Variants in ARMC5 observed in about 807,000 individuals in gnomAD.
ARMC5 encodes the protein armadillo repeat-containing protein 5.
A neutral mutation model predicts 60.5 loss-of-function variants in ARMC5; 28 were observed. That is an observed-to-expected ratio of 0.46 (90% CI 0.34 to 0.63). The LOEUF is 0.63. ARMC5 is among the 30% of genes least tolerant of loss of function. The probability of loss-of-function intolerance (pLI) is 0.01; values close to 1 mark genes in which losing one functional copy is unlikely to be tolerated. For synonymous variants in ARMC5, 680 were observed against 607.3 expected, an observed-to-expected ratio of 1.12 and a Z score of -1.76; for missense variants, 1,189 against 1,304.9, an observed-to-expected ratio of 0.91 and a Z score of 1.37.
chr16:31,458,670 C>T (rs900379627), upstream of ARMC5: 7 of 1,446,566 alleles, frequency 4.8e-6, no homozygotes, highest in Non-Finnish European at 6.4e-6. Context: ...TCCGGGCGGG[C>T]AGCTGCCCCG....
At position 31,462,754 on chromosome 16, in the gene ARMC5, G is replaced by T; in HGVS notation, c.1207G>T (p.Ala403Ser). 1.2e-6 allele frequency: 2 copies of T among 1,613,884 alleles called. No individual in the cohort carries two copies. Among genetic ancestry groups the T allele is most frequent in the South Asian group, 1.1e-5 (1 of 91,080 alleles). Reference protein sequence around the residue: ...ALVGFLYDTGALGRLQALGLV... With the variant: ...ALVGFLYDTGSLGRLQALGLV... Reference sequence around the variant, plus strand: ...TGTGGGGTTTCTGTATGACACTGGGGCCCTGGGCCGGCTGCAGGCTCTGGG... The same window carrying T: ...TGTGGGGTTTCTGTATGACACTGGGTCCCTGGGCCGGCTGCAGGCTCTGGG... The change falls in exon 3 of 6, where the codon GCC becomes TCC. Residue 403 changes from alanine (A) to serine (S), a missense_variant. Ala to Ser is a moderately conservative substitution (Grantham distance 99). Around this residue, in one of 2 missense-constraint regions of ARMC5, gnomAD observed 862 missense variants for 1,071.2 expected, o/e 0.80. Coordinates refer to ENST00000268314, the MANE Select transcript of ARMC5 (RefSeq NM_001105247.2). This position sits in a 1 kb window ranked among gnomAD's most constrained non-coding sequence, Gnocchi z 7.2.
chr16:31,459,216 C>T, upstream of ARMC5: 1 of 1,531,950 alleles, frequency 6.5e-7, no homozygotes. Flanking sequence ...TGTTCGGAGG[C>T]CCTGGCCCAC....
At chr16:31,459,194 G>C, upstream of ARMC5, 6 of 1,521,976 alleles carry the variant, frequency 3.9e-6, no homozygotes, top group Non-Finnish European at 5.3e-6. Context: ...CTCCGTGGTC[G>C]GACTTCTGGG....
At position 31,464,603 on chromosome 16, in the gene ARMC5, T is replaced by C. The variant is rs778898242; in HGVS notation, c.1580T>C (p.Leu527Pro). ...TGGGGACGCGAAGGGCCAGCCCTGCTGCTGCTGTCGCGCTTTTCCCAGGCC... is the reference window on the plus strand; with the variant it reads ...TGGGGACGCGAAGGGCCAGCCCTGCCGCTGCTGTCGCGCTTTTCCCAGGCC... ...EPWGREGPAL[L>P]LLSRFSQAPD... is the part of the protein sequence containing the mutation. Residue 527 changes from leucine to proline, a missense_variant, in exon 4 of 6, where the codon CTG becomes CCG. By Grantham distance (98) the Leu-to-Pro change is moderately conservative. This residue lies in a region of ARMC5 where 862 missense variants were observed against 1,071.2 expected (regional missense o/e 0.80). Transcript: ENST00000268314. The surrounding 1 kb of genome is among the most constrained non-coding windows in gnomAD (Gnocchi z 7.6). The C allele has an allele frequency of 1.3e-6, 2 of 1,591,200 alleles. No individual in the cohort carries two copies. Among genetic ancestry groups the C allele is most frequent in the Non-Finnish European group, 1.7e-6 (2 of 1,174,456 alleles).
At chr16:31,465,816 C>A in intron 4 of ARMC5, 34 bp from the exon 5 acceptor site, 1 of 1,605,462 alleles carries the variant, frequency 6.2e-7, no homozygotes, top group South Asian at 1.1e-5. Context: ...GTCTTAGACC[C>A]CAGTTCCCAG....
chr16:31,466,332 C>T lies in ARMC5; in HGVS notation c.2251C>T (p.His751Tyr). The T allele has an allele frequency of 1.9e-6, 3 of 1,613,754 alleles. No homozygotes were observed. The highest frequency in any genetic ancestry group is 1.3e-5 in the African/African-American group (1 of 75,054). ...GPAPVPAPDL[H>Y]FLLDSGLQLP... ...AGCCCCTGTCCCAGCTCCCGACCTGCACTTCCTGCTGGACTCAGGCCTCCA... is the reference window on the plus strand; with the variant it reads ...AGCCCCTGTCCCAGCTCCCGACCTGTACTTCCTGCTGGACTCAGGCCTCCA... Residue 751 changes from histidine to tyrosine, a missense_variant, in exon 6 of 6, where the codon CAC becomes TAC. Around this residue, in one of 2 missense-constraint regions of ARMC5, gnomAD observed 862 missense variants for 1,071.2 expected, o/e 0.80. Transcript: ENST00000268314. The surrounding 1 kb of genome is among the most constrained non-coding windows in gnomAD (Gnocchi z 8.0).
chr16:31,459,260 C>T (rs769379147), upstream of ARMC5: 7 of 1,533,754 alleles, frequency 4.6e-6, no homozygotes, highest in South Asian at 8.4e-5. Context: ...CAGCGCTTCC[C>T]GAGGTAGGCG....
intron 4 of ARMC5, 126 bp from the exon 5 acceptor site, chr16:31,465,724 C>CT: frequency 6.6e-7 from 1 of 1,525,266 alleles, no homozygotes; most frequent in Middle Eastern, 1.8e-4. Context: ...AGCACTGTCT[C>CT]TTCAGTGCCC....
chr16:31,464,966 C>G lies in ARMC5; in HGVS notation c.1864+79C>G. The G allele has an allele frequency of 6.2e-7, 1 of 1,611,450 alleles. No homozygotes were observed. Among genetic ancestry groups the G allele is most frequent in the Non-Finnish European group, 8.5e-7 (1 of 1,178,396 alleles). On this transcript the variant is annotated intron_variant, in intron 4 of 5. Transcript: ENST00000268314. This position sits in a 1 kb window ranked among gnomAD's most constrained non-coding sequence, Gnocchi z 7.6. Reference sequence around the variant, plus strand: ...CCCATGGCTTCCATGGGCCCAGAACCTCACCTTCCCACTCACCTGTCCTCC... The same window carrying G: ...CCCATGGCTTCCATGGGCCCAGAACGTCACCTTCCCACTCACCTGTCCTCC...
intron 1 of ARMC5, among the ~76,000 whole-genome samples, chr16:31,461,698 G>C (rs1253875378): frequency 1.3e-5 from 2 of 152,128 alleles, no homozygotes; most frequent in Non-Finnish European, 2.9e-5. Context: ...AGTAGAGATG[G>C]GGTTTGGCCC....
At position 31,466,711 on chromosome 16, in the gene ARMC5, G is replaced by A; in HGVS notation, c.2630G>A (p.Arg877Gln). ...ESVGEVFRLGRPRLAAHCARW... is the reference protein window; with the variant it reads ...ESVGEVFRLGQPRLAAHCARW... The stretch of plus-strand genomic sequence containing the variant: ...GTGGGTGAGGTGTTCCGCCTGGGCC[G>A]GCCCCGGCTGGCTGCCCACTGTGCC... Residue 877 changes from arginine to glutamine, a missense_variant, in exon 6 of 6, where the codon CGG (arginine) becomes CAG (glutamine). Physicochemically the swap from Arg to Gln is conservative, Grantham distance 43. This residue lies in a region of ARMC5 where 862 missense variants were observed against 1,071.2 expected (regional missense o/e 0.80). Coordinates refer to ENST00000268314, the MANE Select transcript of ARMC5 (RefSeq NM_001105247.2). The surrounding 1 kb of genome is among the most constrained non-coding windows in gnomAD (Gnocchi z 8.0). 6.4e-7 allele frequency: 1 copy of A among 1,557,212 alleles called. No individual in the cohort carries two copies. The highest frequency in any genetic ancestry group is 8.7e-7 in the Non-Finnish European group (1 of 1,151,710).
chr16:31,460,975 A>G (rs1328622845), intron 1 of ARMC5, among the ~76,000 whole-genome samples: 4 of 152,250 alleles, frequency 2.6e-5, no homozygotes, highest in African/African-American at 9.6e-5. Context: ...GGAAGCATTA[A>G]TATATTTAAA....
At chr16:31,459,058 G>C, upstream of ARMC5, 1 of 1,506,500 alleles carries the variant, frequency 6.6e-7, no homozygotes, top group Non-Finnish European at 8.8e-7. Flanking sequence ...TTTCGGCCCG[G>C]CTCGGGGTTC....
At chr16:31,458,441 C>G (rs2082265760), upstream of ARMC5, 1 of 1,535,616 alleles carries the variant, frequency 6.5e-7, no homozygotes, top group African/African-American at 1.4e-5. Context: ...CCGGTGTGTA[C>G]CCAGTGGTGC....
chr16:31,461,849 C>A, intron 1 of ARMC5, 73 bp from the exon 2 acceptor site: 1 of 1,418,542 alleles, frequency 7.0e-7, no homozygotes, highest in Non-Finnish European at 9.9e-7. Context: ...CCCTCTCAGG[C>A]CACATTCTCC....
intron 3 of ARMC5, among the ~76,000 whole-genome samples, chr16:31,463,692 G>A (rs2082324521): frequency 6.6e-6 from 1 of 152,058 alleles, no homozygotes; most frequent in African/African-American, 2.4e-5. Flanking sequence ...ACAGATGTGA[G>A]CCACCATGCC....
chr16:31,459,005 C>T (rs754771183), upstream of ARMC5: 1 of 1,533,348 alleles, frequency 6.5e-7, no homozygotes, highest in African/African-American at 1.4e-5. Context: ...TTCCTCTGAC[C>T]GAGCGAGGGC....
chr16:31,461,376 C>CA (rs2082302250), intron 1 of ARMC5, among the ~76,000 whole-genome samples: 1 of 152,194 alleles, frequency 6.6e-6, no homozygotes, highest in Admixed American at 6.5e-5. Flanking sequence ...CTTTCACAGA[C>CA]ACTGTATCTT....
At chr16:31,465,455 G>A (rs2082348139) in intron 4 of ARMC5, 5 of 946,418 alleles carry the variant, frequency 5.3e-6, no homozygotes, top group Non-Finnish European at 7.3e-6. Flanking sequence ...TGATTATAGA[G>A]CGAGGATTAT....
Sources: gnomAD v4.1 joint callset for allele counts (sites outside exome capture counted in the v4.1 genomes callset) on GRCh38, gnomAD v4.1.1 for gene constraint, gnomAD v4.1.1 regional missense constraint, Gnocchi (gnomAD v3.1) non-coding constraint, MANE v1.5 for transcripts, NCBI Gene and HGNC (gene_info 2026-07-23, HGNC 2026-07-21) for gene names.